Variants in SPAG16 observed in about 807,000 individuals in gnomAD.
SPAG16 encodes the protein sperm-associated antigen 16 protein.
In SPAG16, 86 loss-of-function variants were observed where a neutral mutation model predicts 80.4. That is an observed-to-expected ratio of 1.07 (90% CI 0.90 to 1.28). The LOEUF (loss-of-function observed/expected upper bound fraction) is 1.28. SPAG16 is among the 50% of genes most tolerant of loss of function. The pLI, the probability that SPAG16 is intolerant of heterozygous loss-of-function variation, is 0.00. For missense variants in SPAG16, 870 were observed against 765.3 expected, an observed-to-expected ratio of 1.14 and a Z score of -1.61; for synonymous variants, 294 against 265.9, an observed-to-expected ratio of 1.11 and a Z score of -1.03.
intron 13 of SPAG16, among the ~76,000 whole-genome samples, chr2:214,047,714 C>T (rs889834161): frequency 3.3e-5 from 5 of 152,238 alleles, no homozygotes; most frequent in Middle Eastern, 3.4e-3. Context: ...TGTTAAAAAG[C>T]TTCTACCCAG....
intron 15 of SPAG16, among the ~76,000 whole-genome samples, chr2:214,333,187 T>C (rs1400330747): frequency 2.0e-5 from 3 of 152,182 alleles, no homozygotes; most frequent in African/African-American, 7.2e-5. Flanking sequence ...TTGACTCAAG[T>C]CTGGTTAGTT....
intron 10 of SPAG16, among the ~76,000 whole-genome samples, chr2:213,708,966 ATCT>A (rs1282900741): frequency 2.0e-5 from 3 of 152,168 alleles, no homozygotes; most frequent in Non-Finnish European, 1.5e-5. Flanking sequence ...ACATAACAGA[ATCT>A]TCTTGTTGGC....
At chr2:214,132,212 T>C (rs1297089750) in intron 14 of SPAG16, among the ~76,000 whole-genome samples, 1 of 152,210 alleles carries the variant, frequency 6.6e-6, no homozygotes, top group East Asian at 1.9e-4. Flanking sequence ...GGTATGGAAA[T>C]AATGATTCAT....
chr2:214,370,521 C>T (rs1699744469), intron 15 of SPAG16, among the ~76,000 whole-genome samples: 1 of 151,980 alleles, frequency 6.6e-6, no homozygotes, highest in Non-Finnish European at 1.5e-5. Context: ...TAAGTTATTA[C>T]CACAATCAAA....
chr2:213,911,211 T>C (rs2077649510), intron 11 of SPAG16, among the ~76,000 whole-genome samples: 1 of 152,230 alleles, frequency 6.6e-6, no homozygotes, highest in Non-Finnish European at 1.5e-5. Context: ...AGTGGCACGA[T>C]CACAGCTCAC....
intron 5 of SPAG16, among the ~76,000 whole-genome samples, chr2:213,338,280 C>G (rs2064487201): frequency 1.3e-5 from 2 of 152,130 alleles, no homozygotes; most frequent in African/African-American, 4.8e-5. Flanking sequence ...GTACACAGAC[C>G]AGTGACAATA....
At chr2:214,244,235 A>G (rs1689685579) in intron 15 of SPAG16, among the ~76,000 whole-genome samples, 2 of 152,020 alleles carry the variant, frequency 1.3e-5, no homozygotes, top group South Asian at 4.1e-4. Flanking sequence ...AATCCATATG[A>G]AAATTGAAAA....
At chr2:214,317,066 C>T (rs368811874) in intron 15 of SPAG16, among the ~76,000 whole-genome samples, 20 of 152,298 alleles carry the variant, frequency 1.3e-4, no homozygotes, top group African/African-American at 4.1e-4. Context: ...CCCAGGTTGC[C>T]GTGCCTGCTG....
intron 15 of SPAG16, among the ~76,000 whole-genome samples, chr2:214,263,986 A>C (rs1002249948): frequency 6.6e-6 from 1 of 152,188 alleles, no homozygotes; most frequent in Admixed American, 6.5e-5. Flanking sequence ...TAGAATTATT[A>C]AGTCTATACT....
At position 214,193,426 on chromosome 2, in the gene SPAG16, T is replaced by TGAGAGA. The variant is rs55774604; in HGVS notation, c.1720+44191_1720+44196dup. 3.6e-3 allele frequency among the ~76,000 whole-genome samples: 497 copies of TGAGAGA among 136,600 alleles called. 1 individual carries two copies. Among genetic ancestry groups the TGAGAGA allele is most frequent in the African/African-American group, 0.013 (457 of 35,728 alleles). 89.6% of individuals were successfully genotyped at this position (136,600 alleles called of 152,430 possible). On this transcript the variant is annotated intron_variant, in intron 15 of 15. Coordinates refer to ENST00000331683, the MANE Select transcript of SPAG16 (RefSeq NM_024532.5). Reference sequence around the variant, plus strand: ...GTGTGTGTGTGTGTGTGTGTGTGTATGAGAGAGAGAGAGAGAGAGAGAGAG... The same window carrying TGAGAGA: ...GTGTGTGTGTGTGTGTGTGTGTGTATGAGAGAGAGAGAGAGAGAGAGAGAGAGAGAG...
chr2:213,368,960 A>G (rs1016568142), intron 8 of SPAG16, among the ~76,000 whole-genome samples: 3 of 152,218 alleles, frequency 2.0e-5, no homozygotes, highest in Non-Finnish European at 4.4e-5. Context: ...GATAGGAAGA[A>G]TCAATATCAT....
At chr2:213,819,353 T>A (rs968405729) in intron 10 of SPAG16, among the ~76,000 whole-genome samples, 2 of 152,242 alleles carry the variant, frequency 1.3e-5, no homozygotes, top group Admixed American at 6.5e-5. Flanking sequence ...AATTCTAAGC[T>A]CAAAAGTGGC....
chr2:214,034,881 A>G (rs868118167), intron 13 of SPAG16, among the ~76,000 whole-genome samples: 2 of 152,186 alleles, frequency 1.3e-5, no homozygotes, highest in Admixed American at 1.3e-4. Flanking sequence ...AGCCTTGCTC[A>G]TGTTACAGCT....
intron 15 of SPAG16, among the ~76,000 whole-genome samples, chr2:214,369,969 A>C (rs7423982): frequency 0.9 from 137,114 of 152,140 alleles, 62,064 homozygotes; most frequent in Middle Eastern, 0.93. Context: ...CACCTCAGTA[A>C]TGAATGTTGA....
chr2:213,452,432 C>T (rs952575613), intron 9 of SPAG16, among the ~76,000 whole-genome samples: 3 of 152,118 alleles, frequency 2.0e-5, no homozygotes, highest in Admixed American at 2.0e-4. Flanking sequence ...TCATCAGATT[C>T]TTTATTTTTC....
At chr2:213,675,084 G>C (rs1309568555) in intron 10 of SPAG16, among the ~76,000 whole-genome samples, 3 of 151,574 alleles carry the variant, frequency 2.0e-5, no homozygotes, top group Non-Finnish European at 2.9e-5. Context: ...ATTCTAAGTG[G>C]TGTGAGATGA....
At chr2:213,293,307 T>A (rs1355001252) in intron 1 of SPAG16, among the ~76,000 whole-genome samples, 1 of 152,218 alleles carries the variant, frequency 6.6e-6, no homozygotes, top group Non-Finnish European at 1.5e-5. Flanking sequence ...TATTTCTTCA[T>A]AGCAGCATGA....
chr2:213,343,320 G>A (rs1369591965), intron 6 of SPAG16, among the ~76,000 whole-genome samples: 3 of 152,174 alleles, frequency 2.0e-5, no homozygotes, highest in Non-Finnish European at 4.4e-5. Context: ...TGTTGCTTTA[G>A]AATTTTTCTC....
chr2:213,788,328 CATTTA>C (rs1318196068), intron 10 of SPAG16, among the ~76,000 whole-genome samples: 7 of 151,906 alleles, frequency 4.6e-5, no homozygotes, highest in African/African-American at 1.7e-4. Flanking sequence ...TACACAATCA[CATTTA>C]TACAAATCTC....
Sources: gnomAD v4.1 joint callset for allele counts (sites outside exome capture counted in the v4.1 genomes callset) on GRCh38, gnomAD v4.1.1 for gene constraint, MANE v1.5 for transcripts, NCBI Gene and HGNC (gene_info 2026-07-23, HGNC 2026-07-21) for gene names.